Variants in CADM2 observed in about 807,000 individuals in gnomAD.
CADM2 encodes immunoglobulin superfamily member 4D.
In CADM2, 12 loss-of-function variants were observed where a neutral mutation model predicts 49.8. That is an observed-to-expected ratio of 0.24 (90% CI 0.15 to 0.39). The LOEUF (loss-of-function observed/expected upper bound fraction) is 0.39, where lower values mean the gene tolerates loss of function less well. Among genes scored for constraint, CADM2 ranks in the 10% least tolerant of loss-of-function variants. The probability of loss-of-function intolerance (pLI) is 1.00; values close to 1 mark genes in which losing one functional copy is unlikely to be tolerated. For missense variants in CADM2, 378 were observed against 492.3 expected (o/e 0.77, Z 2.20); for synonymous variants, 214 against 175.4 (o/e 1.22, Z -1.74).
intron 1 of CADM2, among the ~76,000 whole-genome samples, chr3:84,960,900 C>T (rs995247691): frequency 1.3e-5 from 2 of 151,810 alleles, no homozygotes; most frequent in Non-Finnish European, 2.9e-5. Flanking sequence ...GGCTGTAAGG[C>T]GGAAGATTGT....
At chr3:85,317,439 G>A (rs73130764) in intron 1 of CADM2, among the ~76,000 whole-genome samples, 55 of 152,074 alleles carry the variant, frequency 3.6e-4, no homozygotes, top group South Asian at 1.2e-3. Context: ...TAGCCATTTC[G>A]GTCTGTTTTG....
intron 1 of CADM2, among the ~76,000 whole-genome samples, chr3:85,128,092 G>A (rs2039097839): frequency 6.6e-6 from 1 of 152,204 alleles, no homozygotes; most frequent in Middle Eastern, 3.4e-3. Context: ...AAAGTTTATT[G>A]AATGGTGCTT....
rs766448829 is a variant in CADM2 at position 85,886,338 on chromosome 3, GA to G, written c.529+16del. The G allele has an allele frequency of 8.2e-6, 13 of 1,587,554 alleles. No homozygotes were observed. Among genetic ancestry groups the G allele is most frequent in the Admixed American group, 6.7e-5 (4 of 59,550 alleles). Reference sequence around the variant, plus strand: ...ACAAAGAGATTAAAGGTAAAGAATAGAAAAATGAAAATCAAAATTAATGTGC... The same window carrying G: ...ACAAAGAGATTAAAGGTAAAGAATAGAAAATGAAAATCAAAATTAATGTGC... On this transcript the variant is annotated intron_variant, in intron 5 of 9. Coordinates refer to ENST00000383699, the MANE Select transcript of CADM2 (RefSeq NM_001167675.2).
At chr3:85,947,924 C>T (rs1416080477) in intron 7 of CADM2, among the ~76,000 whole-genome samples, 1 of 151,346 alleles carries the variant, frequency 6.6e-6, no homozygotes, top group East Asian at 1.9e-4. Flanking sequence ...AGTTTTCTTG[C>T]AACAAAAAGC....
At chr3:85,747,431 T>C (rs182133399) in intron 2 of CADM2, among the ~76,000 whole-genome samples, 10 of 152,204 alleles carry the variant, frequency 6.6e-5, no homozygotes, top group African/African-American at 2.4e-4. Context: ...TATAAATAAA[T>C]TGTCTGCCCT....
rs906241711 is a variant in CADM2, at chr3:85,266,577, G to A, written c.61+306909G>A. Among the ~76,000 whole-genome samples the A allele has an allele frequency of 3.1e-4, 17 of 54,454 alleles. No homozygotes were observed. The Admixed American group carries it at 4.3e-3, about 14-fold the overall frequency. The allele number at this position is 54,454 out of a possible 152,430, so 35.7% of individuals were successfully genotyped here. A position where few individuals can be genotyped will look rare whatever the true frequency, so the allele number is the denominator to read the frequency against. ...TTTATCTCAATGATAAGGTGATAAT[G>A]AAGAATTATTTTTATGAAACTAGAG... On this transcript the variant is annotated intron_variant, in intron 1 of 9. Coordinates refer to ENST00000383699, the MANE Select transcript of CADM2 (RefSeq NM_001167675.2).
At chr3:85,530,243 G>A (rs1217914719) in intron 1 of CADM2, among the ~76,000 whole-genome samples, 4 of 150,180 alleles carry the variant, frequency 2.7e-5, no homozygotes, top group East Asian at 3.9e-4. Flanking sequence ...TTCCTCTACC[G>A]CCATGATTGT....
chr3:85,236,957 A>G (rs2042420483), intron 1 of CADM2, among the ~76,000 whole-genome samples: 1 of 152,108 alleles, frequency 6.6e-6, no homozygotes, highest in Non-Finnish European at 1.5e-5. Context: ...ACTAGCTTAG[A>G]ATCTGAATCT....
At chr3:85,709,912 C>T (rs941420436) in intron 1 of CADM2, among the ~76,000 whole-genome samples, 6 of 152,056 alleles carry the variant, frequency 3.9e-5, no homozygotes, top group Admixed American at 6.6e-5. Flanking sequence ...CTTCAATGTA[C>T]GCTGTAAGTG....
At chr3:85,823,355 A>G (rs994952703) in intron 3 of CADM2, among the ~76,000 whole-genome samples, 3 of 152,168 alleles carry the variant, frequency 2.0e-5, no homozygotes, top group African/African-American at 7.2e-5. Flanking sequence ...AGGAAGCAGT[A>G]CCTTGGTTTA....
intron 1 of CADM2, among the ~76,000 whole-genome samples, chr3:85,298,613 A>G (rs544474248): frequency 1.3e-5 from 2 of 152,242 alleles, no homozygotes; most frequent in South Asian, 2.1e-4. Flanking sequence ...AGCAAAGACC[A>G]GTTGTCACCT....
At chr3:84,967,323 T>C (rs566394167) in intron 1 of CADM2, among the ~76,000 whole-genome samples, 1 of 152,234 alleles carries the variant, frequency 6.6e-6, no homozygotes, top group South Asian at 2.1e-4. Context: ...GTAAAAAAAG[T>C]CCTAATTTTC....
At chr3:85,025,825 A>G (rs1002090114) in intron 1 of CADM2, among the ~76,000 whole-genome samples, 67 of 152,232 alleles carry the variant, frequency 4.4e-4, no homozygotes, top group African/African-American at 1.5e-3. Context: ...AAAAAAAAAA[A>G]CACATTATTT....
chr3:85,235,709 T>A (rs2042393352), intron 1 of CADM2, among the ~76,000 whole-genome samples: 1 of 152,170 alleles, frequency 6.6e-6, no homozygotes, highest in Non-Finnish European at 1.5e-5. Context: ...CTCCCATTTA[T>A]GATAAGATCT....
chr3:85,499,702 G>A (rs1057009080), intron 1 of CADM2, among the ~76,000 whole-genome samples: 1 of 151,980 alleles, frequency 6.6e-6, no homozygotes, highest in Non-Finnish European at 1.5e-5. Flanking sequence ...AAGAAAGTAA[G>A]GTGTTTCTAT....
chr3:85,212,635 T>C (rs1186063336), intron 1 of CADM2, among the ~76,000 whole-genome samples: 2 of 152,006 alleles, frequency 1.3e-5, no homozygotes, highest in Admixed American at 1.3e-4. Flanking sequence ...TATTTATATG[T>C]TATTTTACTA....
chr3:85,080,755 A>G (rs2037131942), intron 1 of CADM2, among the ~76,000 whole-genome samples: 1 of 151,978 alleles, frequency 6.6e-6, no homozygotes, highest in Admixed American at 6.6e-5. Flanking sequence ...TCCTTGTATT[A>G]TTCCTCTAGG....
chr3:85,782,668 GAAAAAAA>G (rs980915476), intron 2 of CADM2, among the ~76,000 whole-genome samples: 1 of 139,100 alleles, frequency 7.2e-6, no homozygotes, highest in Admixed American at 7.2e-5. Flanking sequence ...AAAAAAAAAA[GAAAAAAA>G]AAAGAAAAAA....
intron 1 of CADM2, among the ~76,000 whole-genome samples, chr3:85,120,953 A>G (rs1028080309): frequency 1.3e-5 from 2 of 152,238 alleles, no homozygotes; most frequent in East Asian, 1.9e-4. Context: ...AGTACATTCC[A>G]AAAGTGATAT....
Sources: allele counts gnomAD v4.1 joint callset (sites outside exome capture counted in the v4.1 genomes callset), GRCh38; gene constraint gnomAD v4.1.1; transcripts MANE v1.5; gene names NCBI Gene and HGNC (gene_info 2026-07-23, HGNC 2026-07-21).